Variants in RYR2 observed in about 807,000 individuals in gnomAD.
RYR2 encodes ryanodine receptor 2.
Under a neutral mutation model 601.1 loss-of-function variants are expected in RYR2, and 227 were observed. That is an observed-to-expected ratio of 0.38 (90% confidence interval 0.34 to 0.42). RYR2 has a LOEUF of 0.42. Among genes scored for constraint, RYR2 ranks in the 10% least tolerant of loss-of-function variants. The probability of loss-of-function intolerance (pLI) is 1.00; values close to 1 mark genes in which losing one functional copy is unlikely to be tolerated. For missense variants in RYR2, 4,646 were observed against 6,156.5 expected (o/e 0.75, Z 8.21); for synonymous variants, 2,223 against 2,175.1 (o/e 1.02, Z -0.61).
chr1:237,734,735 A>G (rs2149179465), intron 79 of RYR2, among the ~76,000 whole-genome samples: 1 of 152,338 alleles, frequency 6.6e-6, no homozygotes, highest in East Asian at 1.9e-4. Flanking sequence ...CACCAGAATA[A>G]TTACAGGCCT....
At chr1:237,197,458 T>G (rs1388701865) in intron 1 of RYR2, among the ~76,000 whole-genome samples, 1 of 152,244 alleles carries the variant, frequency 6.6e-6, no homozygotes, top group East Asian at 1.9e-4. Flanking sequence ...ATTTCTTAAT[T>G]ATGTAATCAT....
Position 237,833,551 on chromosome 1 carries a change from G to A in RYR2, c.*904G>A, listed in dbSNP as rs577588066. On this transcript the variant is annotated 3_prime_UTR_variant, in exon 105 of 105. Coordinates refer to ENST00000366574, the MANE Select transcript of RYR2 (RefSeq NM_001035.3). Reference sequence around the variant, plus strand: ...AACCTTCAGAAACAAGTTGATCAACGTGAGAGAAATTTCATGATAATTATT... The same window carrying A: ...AACCTTCAGAAACAAGTTGATCAACATGAGAGAAATTTCATGATAATTATT... 4 of 152,566 alleles carry A rather than the reference G, an allele frequency of 2.6e-5. No homozygotes were observed. The highest frequency in any genetic ancestry group is 7.2e-5 in the African/African-American group (3 of 41,492). 9.5% of individuals were successfully genotyped at this position (152,566 alleles called of 1,614,324 possible).
chr1:237,324,362 T>G (rs987121327), intron 2 of RYR2, among the ~76,000 whole-genome samples: 1 of 152,172 alleles, frequency 6.6e-6, no homozygotes, highest in Non-Finnish European at 1.5e-5. Flanking sequence ...TCTCCATCAT[T>G]TGGGGAGAAG....
chr1:237,771,510 G>A (rs1225739972), intron 85 of RYR2, among the ~76,000 whole-genome samples: 2 of 151,866 alleles, frequency 1.3e-5, no homozygotes, highest in Non-Finnish European at 2.9e-5. Flanking sequence ...TCTTTACCTT[G>A]AGCGTATACA....
chr1:237,659,148 G>C (rs1299419127), intron 54 of RYR2, among the ~76,000 whole-genome samples: 2 of 152,208 alleles, frequency 1.3e-5, no homozygotes, highest in Non-Finnish European at 2.9e-5. Flanking sequence ...CATCATGCTG[G>C]AGATGTCATG....
intron 74 of RYR2, among the ~76,000 whole-genome samples, chr1:237,724,635 T>G (rs1239158843): frequency 1.3e-5 from 2 of 152,028 alleles, no homozygotes; most frequent in East Asian, 3.9e-4. Context: ...AAATACAAAT[T>G]ATCATCAATC....
At chr1:237,149,465 A>G (rs1336242416) in intron 1 of RYR2, among the ~76,000 whole-genome samples, 2 of 152,220 alleles carry the variant, frequency 1.3e-5, no homozygotes, top group Non-Finnish European at 1.5e-5. Flanking sequence ...GTTAGGCCTC[A>G]AAACATACTT....
chr1:237,814,206 C>T (rs890390785), intron 100 of RYR2, among the ~76,000 whole-genome samples: 2 of 152,188 alleles, frequency 1.3e-5, no homozygotes, highest in Admixed American at 6.5e-5. Flanking sequence ...AGTGCGCTTT[C>T]AAAGTACAGG....
chr1:237,802,449 T>A (rs767332344), intron 98 of RYR2: 1 of 152,256 alleles, frequency 6.6e-6, no homozygotes, highest in Non-Finnish European at 1.5e-5. Context: ...TAGCACTGAC[T>A]TTTATAGTTC....
At chr1:237,277,924 A>G (rs1314643183) in intron 2 of RYR2, among the ~76,000 whole-genome samples, 2 of 152,198 alleles carry the variant, frequency 1.3e-5, no homozygotes, top group East Asian at 1.9e-4. Context: ...GCTATTTTTG[A>G]TAATATTACT....
intron 1 of RYR2, among the ~76,000 whole-genome samples, chr1:237,230,070 T>G (rs915459101): frequency 2.6e-5 from 4 of 152,144 alleles, no homozygotes; most frequent in African/African-American, 9.7e-5. Context: ...TAAAGGTGGA[T>G]AAAATGTGGA....
intron 1 of RYR2, among the ~76,000 whole-genome samples, chr1:237,072,625 T>TA (rs1022392368): frequency 2.6e-5 from 4 of 152,110 alleles, no homozygotes; most frequent in African/African-American, 4.8e-5. Context: ...TATTTAATCT[T>TA]AAAAAAAATC....
chr1:237,557,676 TGAG>T (rs2148169724), intron 27 of RYR2, among the ~76,000 whole-genome samples: 1 of 151,590 alleles, frequency 6.6e-6, no homozygotes, highest in South Asian at 2.1e-4. Flanking sequence ...GAAGTATAGA[TGAG>T]GAGTGTTGGA....
At chr1:237,167,288 T>C (rs1031434203) in intron 1 of RYR2, among the ~76,000 whole-genome samples, 2 of 152,188 alleles carry the variant, frequency 1.3e-5, no homozygotes, top group African/African-American at 4.8e-5. Context: ...ACCAGAATGA[T>C]ATGAAACACT....
rs772438229 is a variant in RYR2, at chr1:237,794,016, G to A, written c.13913+19G>A. 1.4e-5 allele frequency: 23 copies of A among 1,593,998 alleles called. No individual in the cohort carries two copies. The highest frequency in any genetic ancestry group is 1.8e-5 in the Non-Finnish European group (21 of 1,169,728). ...ACACACAGTGAGTAAATAATTATAT[G>A]AGACTTTCTGCACTCAAAAATTTCA... On this transcript the variant is annotated intron_variant, in intron 95 of 104. Coordinates refer to ENST00000366574, the MANE Select transcript of RYR2 (RefSeq NM_001035.3).
intron 1 of RYR2, among the ~76,000 whole-genome samples, chr1:237,220,144 G>T (rs1031626075): frequency 3.3e-5 from 5 of 152,322 alleles, no homozygotes; most frequent in Non-Finnish European, 5.9e-5. Context: ...CTGTGAGGGT[G>T]TTTCCAGAAG....
chr1:237,535,484 TACACACACACACACAC>T (rs58146773), intron 25 of RYR2, among the ~76,000 whole-genome samples: 3 of 144,638 alleles, frequency 2.1e-5, no homozygotes, highest in Admixed American at 6.9e-5. Context: ...CAAACACACA[TACACACACACACACAC>T]ACACACACAC....
chr1:237,190,238 C>T (rs925116460), intron 1 of RYR2, among the ~76,000 whole-genome samples: 11 of 152,040 alleles, frequency 7.2e-5, no homozygotes, highest in East Asian at 3.9e-4. Context: ...ACCAACAGTG[C>T]GTAGTGTTCT....
intron 10 of RYR2, among the ~76,000 whole-genome samples, chr1:237,405,327 G>T (rs1188842897): frequency 3.3e-5 from 5 of 152,162 alleles, no homozygotes; most frequent in Non-Finnish European, 7.3e-5. Context: ...GGGCAGTGGG[G>T]TGATCAACTA....
Sources: gnomAD v4.1 joint callset for allele counts (sites outside exome capture counted in the v4.1 genomes callset) on GRCh38, gnomAD v4.1.1 for gene constraint, MANE v1.5 for transcripts, NCBI Gene and HGNC (gene_info 2026-07-23, HGNC 2026-07-21) for gene names.